The following PCMTD1 variants were observed in gnomAD, a reference collection of about 807,000 sequenced individuals.
PCMTD1 encodes protein-L-isoaspartate (D-aspartate) O-methyltransferase domain containing 1.
Under a neutral mutation model 37.6 loss-of-function variants are expected in PCMTD1, and 12 were observed. The ratio of observed to expected loss-of-function variants is 0.32; its 90% confidence interval spans 0.20 to 0.52. The LOEUF (loss-of-function observed/expected upper bound fraction) is 0.52. PCMTD1 is among the 20% of genes least tolerant of loss of function. PCMTD1 has a pLI of 0.97. For missense variants in PCMTD1, 235 were observed against 421.3 expected (o/e 0.56, Z 3.87); for synonymous variants, 117 against 135.8 (o/e 0.86, Z 0.96).
At chr8:51,846,214 A>G (rs1460070513) in intron 2 of PCMTD1, among the ~76,000 whole-genome samples, 1 of 152,198 alleles carries the variant, frequency 6.6e-6, no homozygotes, top group Admixed American at 6.5e-5. Context: ...AGTAGAGGCT[A>G]AATTCCCACC....
chr8:51,878,128 A>T (rs1168237228), intron 1 of PCMTD1, among the ~76,000 whole-genome samples: 1 of 152,192 alleles, frequency 6.6e-6, no homozygotes, highest in African/African-American at 2.4e-5. Context: ...CTCTAAGCAA[A>T]CGGTGTATAG....
intron 1 of PCMTD1, among the ~76,000 whole-genome samples, chr8:51,879,753 T>C (rs1158688205): frequency 6.6e-6 from 1 of 152,178 alleles, no homozygotes; most frequent in East Asian, 1.9e-4. Flanking sequence ...AAATGATGTA[T>C]TCTATCTGGC....
intron 1 of PCMTD1, among the ~76,000 whole-genome samples, chr8:51,891,704 A>G (rs1451081067): frequency 6.7e-6 from 1 of 148,472 alleles, no homozygotes; most frequent in Non-Finnish European, 1.5e-5. Context: ...ATGTATATAT[A>G]TATATATAGC....
intron 1 of PCMTD1, among the ~76,000 whole-genome samples, chr8:51,864,185 T>C (rs2038516669): frequency 6.6e-6 from 1 of 152,190 alleles, no homozygotes. Context: ...AAGGCCATTA[T>C]TTTATGTCCT....
intron 3 of PCMTD1, among the ~76,000 whole-genome samples, chr8:51,843,713 A>G (rs1179618940): frequency 6.6e-6 from 1 of 152,164 alleles, no homozygotes; most frequent in Non-Finnish European, 1.5e-5. Flanking sequence ...ACTTCAAATC[A>G]CAACATATTT....
chr8:51,829,740 G>A (rs2037973185), intron 5 of PCMTD1, among the ~76,000 whole-genome samples: 1 of 151,982 alleles, frequency 6.6e-6, no homozygotes, highest in Non-Finnish European at 1.5e-5. Flanking sequence ...ACTGCATTAC[G>A]GCCTGGGTGA....
chr8:51,890,112 CATGA>C (rs3075020), intron 1 of PCMTD1, among the ~76,000 whole-genome samples: 76,759 of 151,530 alleles, frequency 0.51, 23,495 homozygotes, highest in Non-Finnish European at 0.67. Flanking sequence ...AAATCAACTG[CATGA>C]ATGGTTATAT....
At chr8:51,846,767 T>C (rs1346145528) in intron 2 of PCMTD1, among the ~76,000 whole-genome samples, 1 of 152,220 alleles carries the variant, frequency 6.6e-6, no homozygotes, top group Admixed American at 6.5e-5. Context: ...ATTGTCATGT[T>C]TGAATGTTGA....
intron 1 of PCMTD1, among the ~76,000 whole-genome samples, chr8:51,868,232 C>G (rs541277604): frequency 6.6e-5 from 10 of 152,022 alleles, no homozygotes; most frequent in African/African-American, 2.4e-4. Flanking sequence ...AACATAATTC[C>G]TTATTTAGTT....
At chr8:51,832,685 T>C (rs911168995) in intron 4 of PCMTD1, among the ~76,000 whole-genome samples, 1 of 152,224 alleles carries the variant, frequency 6.6e-6, no homozygotes, top group Non-Finnish European at 1.5e-5. Context: ...TTTTATTCAT[T>C]ATACCTAATA....
At chr8:51,861,757 T>C (rs2038473931) in intron 1 of PCMTD1, among the ~76,000 whole-genome samples, 1 of 151,880 alleles carries the variant, frequency 6.6e-6, no homozygotes, top group Non-Finnish European at 1.5e-5. Flanking sequence ...GGTCTCACTC[T>C]GTCACCCAGG....
At chr8:51,831,863 T>C (rs1316312624) in intron 4 of PCMTD1, among the ~76,000 whole-genome samples, 1 of 152,242 alleles carries the variant, frequency 6.6e-6, no homozygotes, top group Non-Finnish European at 1.5e-5. Flanking sequence ...CTACAATCTA[T>C]ACATGCCATT....
chr8:51,859,291 CAG>C (rs991621892), intron 2 of PCMTD1, among the ~76,000 whole-genome samples: 2 of 151,814 alleles, frequency 1.3e-5, no homozygotes, highest in African/African-American at 4.8e-5. Flanking sequence ...CTAGATTTTG[CAG>C]ACTGTCTCAA....
chr8:51,840,559 TTGAATATATAA>T (rs2038133274), intron 3 of PCMTD1, among the ~76,000 whole-genome samples: 1 of 152,092 alleles, frequency 6.6e-6, no homozygotes, highest in South Asian at 2.1e-4. Context: ...TGGAATAATA[TTGAATATATAA>T]TGAATTATAT....
intron 5 of PCMTD1, among the ~76,000 whole-genome samples, chr8:51,825,863 G>A (rs991216720): frequency 2.6e-5 from 4 of 152,182 alleles, no homozygotes; most frequent in Admixed American, 6.5e-5. Context: ...ACAGATGCTC[G>A]AGAGGATGAG....
At chr8:51,879,820 CAT>C (rs1187901240) in intron 1 of PCMTD1, among the ~76,000 whole-genome samples, 3 of 152,088 alleles carry the variant, frequency 2.0e-5, no homozygotes, top group African/African-American at 7.2e-5. Flanking sequence ...AAAATTGCAA[CAT>C]GTGGCAAAGG....
intron 1 of PCMTD1, among the ~76,000 whole-genome samples, chr8:51,867,058 A>C (rs1420987848): frequency 2.6e-5 from 4 of 152,016 alleles, no homozygotes; most frequent in African/African-American, 9.7e-5. Context: ...AGACCTAATA[A>C]TTATCAAAAG....
At chr8:51,862,216 C>T (rs376538046) in intron 1 of PCMTD1, among the ~76,000 whole-genome samples, 10 of 152,160 alleles carry the variant, frequency 6.6e-5, no homozygotes, top group African/African-American at 2.4e-4. Flanking sequence ...ACATAAAATG[C>T]AAAATAAACA....
At position 51,828,004 on chromosome 8, in the gene PCMTD1, T is replaced by C. The variant is rs557865479; in HGVS notation, c.706+3440A>G. The stretch of plus-strand genomic sequence containing the variant: ...CATATTATCTGTCATTAATGAATTA[T>C]GTTATTATAAAACCATATTTATAAC... On this transcript the variant is annotated intron_variant, in intron 5 of 5. Transcript: ENST00000522514. 1.9e-4 allele frequency among the ~76,000 whole-genome samples: 29 copies of C among 152,358 alleles called. No homozygotes were observed. In the South Asian group the frequency reaches 5.4e-3, roughly 28 times the overall value.
Sources: gnomAD v4.1 joint callset for allele counts (sites outside exome capture counted in the v4.1 genomes callset) on GRCh38, gnomAD v4.1.1 for gene constraint, MANE v1.5 for transcripts, NCBI Gene and HGNC (gene_info 2026-07-23, HGNC 2026-07-21) for gene names.